SH3BGRL: variants seen among roughly 807,000 people sequenced by gnomAD.
The protein encoded by SH3BGRL is SH3 domain binding glutamate rich protein like, also known as adapter SH3BGRL.
A neutral mutation model predicts 9.8 loss-of-function variants in SH3BGRL; 7 were observed. The ratio of observed to expected loss-of-function variants is 0.72; its 90% CI spans 0.41 to 1.35. SH3BGRL has a LOEUF of 1.35. Among genes scored for constraint, SH3BGRL ranks in the 40% most tolerant of loss-of-function variants. The pLI is 0.01. For missense variants in SH3BGRL, 73 were observed against 84.4 expected (o/e 0.86, Z 0.53); for synonymous variants, 36 against 29.1 (o/e 1.24, Z -0.76).
At chrX:81,263,641 A>G (rs1048622160) in intron 1 of SH3BGRL, among the ~76,000 whole-genome samples, 2 of 111,360 alleles carry the variant, frequency 1.8e-5, no homozygotes, top group East Asian at 5.6e-4. Flanking sequence ...CATAGTCAGA[A>G]GGAACTTTAG....
intron 1 of SH3BGRL, among the ~76,000 whole-genome samples, chrX:81,269,486 C>G (rs763371725): frequency 1.8e-5 from 2 of 111,344 alleles, no homozygotes; most frequent in Non-Finnish European, 3.8e-5. Flanking sequence ...AGCTTAGTTT[C>G]GCTGGATATG....
chrX:81,205,456 A>G (rs1415162130), intron 1 of SH3BGRL, among the ~76,000 whole-genome samples: 1 of 103,468 alleles, frequency 9.7e-6, no homozygotes, highest in Non-Finnish European at 2.0e-5. Flanking sequence ...GTGTATATAT[A>G]TGTGTGTATA....
At chrX:81,221,060 A>G (rs908251150) in intron 1 of SH3BGRL, among the ~76,000 whole-genome samples, 3 of 111,572 alleles carry the variant, frequency 2.7e-5, no homozygotes, top group African/African-American at 9.8e-5. Context: ...AGAATGATCT[A>G]TGTGCTGAGG....
chrX:81,233,558 A>G (rs1371195536), intron 1 of SH3BGRL, among the ~76,000 whole-genome samples: 1 of 111,083 alleles, frequency 9.0e-6, no homozygotes, highest in Non-Finnish European at 1.9e-5. Flanking sequence ...TTTTACACTG[A>G]CATGACTTTG....
intron 3 of SH3BGRL, among the ~76,000 whole-genome samples, chrX:81,282,804 A>T (rs1293839409): frequency 8.9e-6 from 1 of 111,999 alleles, no homozygotes; most frequent in Non-Finnish European, 1.9e-5. Context: ...AACCCAGAAG[A>T]AGAAAGAAAT....
At chrX:81,259,297 G>A (rs2075734194) in intron 1 of SH3BGRL, among the ~76,000 whole-genome samples, 1 of 112,049 alleles carries the variant, frequency 8.9e-6, no homozygotes. Flanking sequence ...GATGTGGATT[G>A]TCTTTGTTGC....
At chrX:81,295,019 C>T (rs751623716) in intron 3 of SH3BGRL, among the ~76,000 whole-genome samples, 9 of 112,299 alleles carry the variant, frequency 8.0e-5, no homozygotes, top group Non-Finnish European at 1.3e-4. Context: ...CCTGTACCAT[C>T]GTTGTATCTA....
chrX:81,259,093 T>C (rs922120526), intron 1 of SH3BGRL, among the ~76,000 whole-genome samples: 1 of 112,428 alleles, frequency 8.9e-6, no homozygotes, highest in Non-Finnish European at 1.9e-5. Flanking sequence ...TTACAGTCTG[T>C]TTTTAAAAGT....
In SH3BGRL at chrX:81,205,478, GTATA is replaced by G. The variant is rs760716123; in HGVS notation, c.45+3239_45+3242del. Among the ~76,000 whole-genome samples the G allele has an allele frequency of 8.0e-4, 76 of 94,500 alleles. 1 individual carries two copies. In the Middle Eastern group the frequency reaches 0.017, roughly 21 times the overall value. 82.1% of individuals were successfully genotyped at this position (94,500 alleles called of 115,157 possible). On this transcript the variant is annotated intron_variant, in intron 1 of 3. Coordinates refer to ENST00000373212, the MANE Select transcript of SH3BGRL (RefSeq NM_003022.3). ...TATATGTGTGTATATATAAGTGTGTGTATATATATGTGTGTGTGTGTGTGTGTAT... is the reference window on the plus strand; with the variant it reads ...TATATGTGTGTATATATAAGTGTGTGTATATGTGTGTGTGTGTGTGTGTAT...
intron 3 of SH3BGRL, among the ~76,000 whole-genome samples, chrX:81,289,534 T>C (rs1459849849): frequency 9.0e-6 from 1 of 110,759 alleles, no homozygotes; most frequent in African/African-American, 3.3e-5. Context: ...TGACAGGGGA[T>C]CGGTAACGAG....
At chrX:81,241,142 A>G (rs746778088) in intron 1 of SH3BGRL, among the ~76,000 whole-genome samples, 7 of 112,403 alleles carry the variant, frequency 6.2e-5, no homozygotes, top group African/African-American at 1.9e-4. Context: ...TAGCAACCCA[A>G]CTGGGTGTGT....
chrX:81,286,515 A>T (rs1385387188), intron 3 of SH3BGRL, among the ~76,000 whole-genome samples: 8 of 106,926 alleles, frequency 7.5e-5, no homozygotes, highest in African/African-American at 2.0e-4. Flanking sequence ...AAAAAAAAAA[A>T]AAAAAAAAAG....
At chrX:81,236,345 C>A (rs191773888) in intron 1 of SH3BGRL, among the ~76,000 whole-genome samples, 1 of 111,513 alleles carries the variant, frequency 9.0e-6, no homozygotes, top group Non-Finnish European at 1.9e-5. Context: ...CTTCTATTAA[C>A]GGGTACCTAC....
chrX:81,253,306 G>T (rs756259302), intron 1 of SH3BGRL, among the ~76,000 whole-genome samples: 1 of 112,300 alleles, frequency 8.9e-6, no homozygotes, highest in East Asian at 2.8e-4. Flanking sequence ...GGAGATGGAA[G>T]AGTTCAGTCT....
In SH3BGRL at chrX:81,240,883, A is replaced by G. The variant is rs796112781; in HGVS notation, c.46-36101A>G. ...CTTGGGCTACACACTCCGCAGAGCC[A>G]GTGGGGGCTGGTAACAAGTGGGAGC... On this transcript the variant is annotated intron_variant, in intron 1 of 3. Transcript: ENST00000373212. 5.3e-5 allele frequency among the ~76,000 whole-genome samples: 6 copies of G among 112,803 alleles called. No individual in the cohort carries two copies. The South Asian group carries it at 2.2e-3, about 41-fold the overall frequency.
At chrX:81,295,920 G>T (rs1451384032) in intron 3 of SH3BGRL, among the ~76,000 whole-genome samples, 4 of 111,191 alleles carry the variant, frequency 3.6e-5, no homozygotes, top group Non-Finnish European at 7.5e-5. Context: ...CTCCAAAGTT[G>T]GTTCCACATT....
rs183215800 is a variant in SH3BGRL, at chrX:81,294,113, A to T, written c.313-3082A>T. Among the ~76,000 whole-genome samples the T allele has an allele frequency of 2.2e-3, 245 of 111,857 alleles. 1 individual carries two copies. The highest frequency in any genetic ancestry group is 7.7e-3 in the African/African-American group (237 of 30,806). ...AAAAGTTTGGAAAATTTGCAGCCTG[A>T]CAATGTAATAGAAAAGAAAAGCCCA... On this transcript the variant is annotated intron_variant, in intron 3 of 3. Transcript: ENST00000373212.
At chrX:81,272,471 A>T (rs2075783726) in intron 1 of SH3BGRL, among the ~76,000 whole-genome samples, 1 of 109,823 alleles carries the variant, frequency 9.1e-6, no homozygotes, top group Non-Finnish European at 1.9e-5. Context: ...GTAGGCAAAG[A>T]CAGGGTCATT....
At chrX:81,212,474 T>C (rs2075568219) in intron 1 of SH3BGRL, among the ~76,000 whole-genome samples, 2 of 111,325 alleles carry the variant, frequency 1.8e-5, no homozygotes, top group Admixed American at 1.9e-4. Context: ...AAGAGGATGT[T>C]GAAAGGCAAG....
Sources: gnomAD v4.1 joint callset for allele counts (sites outside exome capture counted in the v4.1 genomes callset) on GRCh38, gnomAD v4.1.1 for gene constraint, MANE v1.5 for transcripts, NCBI Gene and HGNC (gene_info 2026-07-23, HGNC 2026-07-21) for gene names.